TBCK: variants seen among roughly 807,000 people sequenced by gnomAD.
The protein encoded by TBCK is TBC1 domain containing kinase.
TBCK carries 99 observed loss-of-function variants against 113.4 expected under a neutral mutation model. The ratio of observed to expected loss-of-function variants is 0.87; its 90% CI spans 0.74 to 1.03. The LOEUF is 1.03. Ranked by LOEUF, TBCK falls within the 50% of genes least tolerant of loss-of-function variation. TBCK has a pLI of 0.00. For synonymous variants in TBCK, 369 were observed against 370.8 expected (o/e 1.00, Z 0.05); for missense variants, 1,045 against 1,061.3 (o/e 0.98, Z 0.21).
intron 23 of TBCK, among the ~76,000 whole-genome samples, chr4:106,128,906 G>GATT (rs1745539831): frequency 6.6e-6 from 1 of 152,182 alleles, no homozygotes; most frequent in East Asian, 1.9e-4. Flanking sequence ...AAGACCAAAA[G>GATT]ATTAATTGGA....
intron 23 of TBCK, among the ~76,000 whole-genome samples, chr4:106,159,057 A>T (rs1749446046): frequency 6.6e-6 from 1 of 151,948 alleles, no homozygotes; most frequent in Admixed American, 6.6e-5. Flanking sequence ...CAACCACATG[A>T]TCATCTAAAT....
intron 12 of TBCK, among the ~76,000 whole-genome samples, chr4:106,241,416 G>A (rs566384887): frequency 1.8e-4 from 27 of 151,928 alleles, no homozygotes; most frequent in Non-Finnish European, 3.8e-4. Flanking sequence ...TCAGCTAGTA[G>A]AGGAAGATGT....
intron 5 of TBCK, 89 bp downstream of exon 5, chr4:106,260,348 G>A: frequency 2.0e-6 from 1 of 509,410 alleles, no homozygotes; most frequent in Non-Finnish European, 3.2e-6. Context: ...TATCAAAAAG[G>A]AATATCAAAT....
chr4:106,129,272 A>G (rs577293589), intron 23 of TBCK, among the ~76,000 whole-genome samples: 49 of 152,212 alleles, frequency 3.2e-4, no homozygotes, highest in African/African-American at 1.1e-3. Context: ...TGCATTAGCT[A>G]TTTATCCTGA....
intron 19 of TBCK, among the ~76,000 whole-genome samples, chr4:106,216,734 C>T (rs1756980709): frequency 6.6e-6 from 1 of 151,914 alleles, no homozygotes; most frequent in Non-Finnish European, 1.5e-5. Flanking sequence ...AATAGCTTAC[C>T]AACCAAAAAG....
In TBCK at chr4:106,181,477, T is replaced by G. The variant is rs182288342; in HGVS notation, c.2060-10207A>C. Among the ~76,000 whole-genome samples the G allele has an allele frequency of 4.0e-3, 604 of 152,332 alleles. 1 individual carries two copies. The highest frequency in any genetic ancestry group is 4.5e-3 in the Non-Finnish European group (303 of 68,026). ...GTCCTGAATGGTATTGCCCAGGTTTTCTTGTAGGATTTTTATGGTTCTAGG... is the reference window on the plus strand; with the variant it reads ...GTCCTGAATGGTATTGCCCAGGTTTGCTTGTAGGATTTTTATGGTTCTAGG... On this transcript the variant is annotated intron_variant, in intron 22 of 25. Coordinates refer to ENST00000394708, the MANE Select transcript of TBCK (RefSeq NM_001163435.3).
At chr4:106,234,700 C>A (rs986023716) in intron 15 of TBCK, among the ~76,000 whole-genome samples, 4 of 152,022 alleles carry the variant, frequency 2.6e-5, no homozygotes, top group African/African-American at 9.7e-5. Context: ...AAAAATCTGG[C>A]AAGAATTTGG....
intron 23 of TBCK, among the ~76,000 whole-genome samples, chr4:106,168,099 ATAT>A (rs752651346): frequency 1.3e-5 from 2 of 151,894 alleles, no homozygotes; most frequent in African/African-American, 2.4e-5. Flanking sequence ...CCTCAACAAA[ATAT>A]TATCAAAGTC....
At chr4:106,164,499 G>T (rs1484165831) in intron 23 of TBCK, 1 of 151,712 alleles carries the variant, frequency 6.6e-6, no homozygotes, top group Non-Finnish European at 1.5e-5. Flanking sequence ...TGCTTGAAAA[G>T]CCAAGTGTAC....
intron 22 of TBCK, among the ~76,000 whole-genome samples, chr4:106,190,408 C>T (rs1283927544): frequency 6.6e-6 from 1 of 152,202 alleles, no homozygotes; most frequent in Non-Finnish European, 1.5e-5. Context: ...CAACTGTCCA[C>T]TCATCTGATG....
At chr4:106,184,623 A>C (rs1752802296) in intron 22 of TBCK, among the ~76,000 whole-genome samples, 1 of 152,026 alleles carries the variant, frequency 6.6e-6, no homozygotes, top group Non-Finnish European at 1.5e-5. Flanking sequence ...ACCCACTCCT[A>C]GAAGTCAACA....
intron 12 of TBCK, 135 bp downstream of exon 12, chr4:106,242,335 C>T: frequency 2.0e-6 from 1 of 499,202 alleles, no homozygotes; most frequent in Admixed American, 3.8e-5. Flanking sequence ...TGCAATTCTA[C>T]TCTGGGGCAC....
intron 1 of TBCK, among the ~76,000 whole-genome samples, chr4:106,314,984 A>C (rs1342224143): frequency 6.6e-6 from 1 of 152,152 alleles, no homozygotes; most frequent in African/African-American, 2.4e-5. Flanking sequence ...TAACCAAATA[A>C]AACACAATGA....
rs373352787 is a variant in TBCK at position 106,216,543 on chromosome 4, C to T, written c.1775-3708G>A. On this transcript the variant is annotated intron_variant, in intron 19 of 25. Coordinates refer to ENST00000394708, the MANE Select transcript of TBCK (RefSeq NM_001163435.3). Reference sequence around the variant, plus strand: ...AAAATGATAAAGGGGATATCACCACCGATCCCACAGAAATACAAACTACCA... The same window carrying T: ...AAAATGATAAAGGGGATATCACCACTGATCCCACAGAAATACAAACTACCA... Among the ~76,000 whole-genome samples, 93 of 151,698 alleles carry T rather than the reference C, an allele frequency of 6.1e-4. No individual in the cohort carries two copies. In the East Asian group the frequency reaches 0.014, roughly 23 times the overall value.
chr4:106,185,658 GA>G (rs1240855872), intron 22 of TBCK, among the ~76,000 whole-genome samples: 1 of 152,102 alleles, frequency 6.6e-6, no homozygotes, highest in East Asian at 1.9e-4. Flanking sequence ...GAGACCTAGA[GA>G]AAGGAAAAGG....
intron 7 of TBCK, among the ~76,000 whole-genome samples, chr4:106,250,050 A>C (rs1761258129): frequency 6.6e-6 from 1 of 152,112 alleles, no homozygotes; most frequent in African/African-American, 2.4e-5. Context: ...TTATTTGTAC[A>C]TGATTCATCA....
At chr4:106,129,231 T>C (rs749810622) in intron 23 of TBCK, among the ~76,000 whole-genome samples, 4 of 152,172 alleles carry the variant, frequency 2.6e-5, no homozygotes, top group African/African-American at 9.7e-5. Context: ...GCTGCACCTA[T>C]TGACCCATCA....
chr4:106,066,600 C>A (rs1736669643), intron 25 of TBCK, among the ~76,000 whole-genome samples: 2 of 152,086 alleles, frequency 1.3e-5, no homozygotes, highest in South Asian at 4.1e-4. Context: ...GCTTGCAATA[C>A]TGTACAACCA....
intron 11 of TBCK, among the ~76,000 whole-genome samples, chr4:106,242,799 G>T (rs1195342250): frequency 6.6e-6 from 1 of 151,430 alleles, no homozygotes; most frequent in Non-Finnish European, 1.5e-5. Context: ...TGCCGTGCTG[G>T]TGTGCTGCAC....
Sources: allele counts gnomAD v4.1 joint callset (sites outside exome capture counted in the v4.1 genomes callset), GRCh38; gene constraint gnomAD v4.1.1; transcripts MANE v1.5; gene names NCBI Gene and HGNC (gene_info 2026-07-23, HGNC 2026-07-21).